The following SPIB variants were observed in gnomAD, a reference collection of about 807,000 sequenced individuals.
The protein encoded by SPIB is transcription factor Spi-B.
In SPIB, 7 loss-of-function variants were observed where a neutral mutation model predicts 31.9. The observed-to-expected ratio is 0.22, with a 90% confidence interval of 0.12 to 0.41. The LOEUF (loss-of-function observed/expected upper bound fraction) is 0.41. Ranked by LOEUF, SPIB falls within the 10% of genes least tolerant of loss-of-function variation. SPIB has a pLI of 1.00. For synonymous variants in SPIB, 176 were observed against 158.9 expected, an observed-to-expected ratio of 1.11 and a Z score of -0.81; for missense variants, 327 against 360.2, an observed-to-expected ratio of 0.91 and a Z score of 0.75.
intron 4 of SPIB, among the ~76,000 whole-genome samples, chr19:50,423,360 G>A (rs1050760967): frequency 5.9e-5 from 9 of 152,188 alleles, no homozygotes; most frequent in African/African-American, 2.2e-4. Flanking sequence ...GAACAAGTGA[G>A]TCAAGAGAGG....
intron 5 of SPIB, among the ~76,000 whole-genome samples, chr19:50,426,971 A>T (rs927636404): frequency 3.3e-5 from 5 of 150,572 alleles, no homozygotes; most frequent in Admixed American, 3.3e-4. Context: ...CTCTACAAAA[A>T]ATAAAACAAT....
At position 50,419,949 on chromosome 19, in the gene SPIB, C is replaced by G. The variant is rs755944464; in HGVS notation, c.27C>G (p.Leu9=). 1.3e-6 allele frequency: 2 copies of G among 1,525,314 alleles called. No homozygotes were observed. Among genetic ancestry groups the G allele is most frequent in the Non-Finnish European group, 1.7e-6 (2 of 1,144,780 alleles). The allele number at this position is 1,525,314 out of a possible 1,614,324, so 94.5% of individuals were successfully genotyped here. ...CCCTGTGTCTCTCCCCCTCCAGGCT[C>G]GACGGGCCACACTTCAGCTGTCTGG... is the stretch of plus-strand genomic sequence containing the variant. The part of the protein sequence containing the change: MLALEAAQ[L]DGPHFSCLYP... The change falls in exon 2 of 6, where the codon CTC becomes CTG. Residue 9 remains leucine, a synonymous_variant. Transcript: ENST00000595883.
At chr19:50,427,367 A>C (rs1217544764) in intron 5 of SPIB, among the ~76,000 whole-genome samples, 3 of 152,328 alleles carry the variant, frequency 2.0e-5, no homozygotes, top group East Asian at 3.9e-4. Flanking sequence ...TCTACTAAAA[A>C]TATAAAAATA....
chr19:50,422,442 G>A (rs1025696468), intron 2 of SPIB, 31 bp from the exon 3 acceptor site: 1 of 1,608,948 alleles, frequency 6.2e-7, no homozygotes, highest in South Asian at 1.1e-5. Context: ...GGCCTGGGAT[G>A]ACCCCTCTTC....
At position 50,423,003 on chromosome 19, in the gene SPIB, T is replaced by TGC; in HGVS notation, c.305_306insGC (p.Ala104LeufsTer77). 1 of 1,529,298 alleles carries TGC rather than the reference T, an allele frequency of 6.5e-7. No individual in the cohort carries two copies. Among genetic ancestry groups the TGC allele is most frequent in the Non-Finnish European group, 8.8e-7 (1 of 1,133,172 alleles). 94.7% of individuals were successfully genotyped at this position (1,529,298 alleles called of 1,614,324 possible). On this transcript the variant is annotated frameshift_variant, in exon 4 of 6. Transcript: ENST00000595883. LOFTEE classifies it high-confidence loss of function. ...AGCCTGGAGGCCCCGGGGCCTGGCC[T>TGC]CCCTGCATACCCCACGGAGAACTTC...
rs2039621696 is a variant in SPIB at position 50,430,084 on chromosome 19, T to C, written c.*1748T>C. 6.6e-6 allele frequency: 1 copy of C among 151,532 alleles called. No homozygotes were observed. The highest frequency in any genetic ancestry group is 2.1e-4 in the South Asian group (1 of 4,804). The allele number at this position is 151,532 out of a possible 1,614,324, so 9.4% of individuals were successfully genotyped here. A position where few individuals can be genotyped will look rare whatever the true frequency, so the allele number is the denominator to read the frequency against. ...AGATTTCTGCCTTCACTTAAAACTT[T>C]GGACGGTCTGGAGAGAGTCGGCCAG... On this transcript the variant is annotated 3_prime_UTR_variant, in exon 6 of 6. Coordinates refer to ENST00000595883, the MANE Select transcript of SPIB (RefSeq NM_003121.5).
intron 1 of SPIB, 99 bp downstream of exon 1, chr19:50,419,084 C>A (rs557521292): frequency 2.1e-6 from 3 of 1,437,666 alleles, no homozygotes; most frequent in African/African-American, 1.4e-5. Flanking sequence ...TCCTCACGGC[C>A]GGTGGGTGGG....
chr19:50,426,919 C>T (rs774399525), intron 5 of SPIB, among the ~76,000 whole-genome samples: 1 of 151,542 alleles, frequency 6.6e-6, no homozygotes, highest in Admixed American at 6.6e-5. Context: ...CACCTGAGGC[C>T]AGGAGTTCAA....
intron 2 of SPIB, 53 bp from the exon 3 acceptor site, chr19:50,422,420 G>C: frequency 6.4e-7 from 1 of 1,561,668 alleles, no homozygotes; most frequent in Non-Finnish European, 8.8e-7. Context: ...GGTGGGGGTT[G>C]GGAGTCCCCA....
rs1230153543 is a variant in SPIB at position 50,423,457 on chromosome 19, C to T, written c.340-148C>T. 7 of 1,050,258 alleles carry T rather than the reference C, an allele frequency of 6.7e-6. No individual in the cohort carries two copies. In the South Asian group the frequency reaches 1.2e-4, roughly 17 times the overall value. 65.1% of individuals were successfully genotyped at this position (1,050,258 alleles called of 1,614,324 possible). On this transcript the variant is annotated intron_variant, in intron 4 of 5. Transcript: ENST00000595883. The stretch of plus-strand genomic sequence containing the variant: ...AGGTACCTCAGGTGTCCCCTGGCCA[C>T]AGCGTGGTGATCTGAACAAAGGCCA...
intron 5 of SPIB, 103 bp from the exon 6 acceptor site, chr19:50,427,934 AT>A (rs2039588962): frequency 7.6e-7 from 1 of 1,309,158 alleles, no homozygotes; most frequent in Non-Finnish European, 1.0e-6. Flanking sequence ...CACTTTTCAG[AT>A]CCAGGAGATG....
At chr19:50,424,226 G>A (rs774160518) in intron 5 of SPIB, among the ~76,000 whole-genome samples, 1 of 152,140 alleles carries the variant, frequency 6.6e-6, no homozygotes, top group Non-Finnish European at 1.5e-5. Flanking sequence ...TCGGTTTCTC[G>A]TCTGTAAAGT....
At chr19:50,423,937 G>A (rs1473188508) in intron 5 of SPIB, among the ~76,000 whole-genome samples, 182 bp downstream of exon 5, 1 of 152,140 alleles carries the variant, frequency 6.6e-6, no homozygotes, top group Non-Finnish European at 1.5e-5. Flanking sequence ...CAGGTTTCCT[G>A]TCTGTGCGAT....
Position 50,423,608 on chromosome 19 carries a change from C to G in SPIB, c.343C>G (p.Leu115Val), listed in dbSNP as rs1370431817. ...YPTENFASQT[L>V]VPPAYAPYPS... ...AGGTGACCCTGACCTTCCGCAGACCCTGGTTCCCCCGGCATATGCCCCGTA... is the reference window on the plus strand; with the variant it reads ...AGGTGACCCTGACCTTCCGCAGACCGTGGTTCCCCCGGCATATGCCCCGTA... Residue 115 changes from leucine (L) to valine (V), a missense_variant, in exon 5 of 6, where the codon CTG becomes GTG. Leu to Val is a conservative substitution (Grantham distance 32). Around this residue, in one of 4 missense-constraint regions of SPIB, gnomAD observed 238 missense variants for 228.8 expected, o/e 1.04. Transcript: ENST00000595883. 1 of 1,613,608 alleles carries G rather than the reference C, an allele frequency of 6.2e-7. No homozygotes were observed. The highest frequency in any genetic ancestry group is 2.2e-5 in the East Asian group (1 of 44,874).
At chr19:50,426,001 G>T (rs1467785658) in intron 5 of SPIB, among the ~76,000 whole-genome samples, 2 of 152,080 alleles carry the variant, frequency 1.3e-5, no homozygotes, top group East Asian at 1.9e-4. Context: ...CTAACGTCAG[G>T]AGTTCAAGAC....
At chr19:50,422,099 C>G (rs904290752) in intron 2 of SPIB, among the ~76,000 whole-genome samples, 8 of 152,230 alleles carry the variant, frequency 5.3e-5, no homozygotes, top group African/African-American at 1.9e-4. Flanking sequence ...AAGTGAAACA[C>G]TTCCATTTCC....
At chr19:50,423,157 G>A in intron 4 of SPIB, 120 bp downstream of exon 4, 1 of 521,086 alleles carries the variant, frequency 1.9e-6, no homozygotes, top group South Asian at 3.3e-5. Context: ...AGAAGGTCGA[G>A]GCAATCCACT....
rs577328095 is a variant in SPIB, at chr19:50,421,118, G to A, written c.51+1145G>A. On this transcript the variant is annotated intron_variant, in intron 2 of 5. Transcript: ENST00000595883. ...GTTGATGACACCTGGGCTGTTTCCAGTTGGAGACTCATAATAAAGCTGCTG... is the reference window on the plus strand; with the variant it reads ...GTTGATGACACCTGGGCTGTTTCCAATTGGAGACTCATAATAAAGCTGCTG... 6.8e-4 allele frequency among the ~76,000 whole-genome samples: 103 copies of A among 152,234 alleles called. 1 individual carries two copies. Among genetic ancestry groups the A allele is most frequent in the South Asian group, 5.2e-3 (25 of 4,830 alleles).
chr19:50,428,186 C>A lies in SPIB; in HGVS notation c.639C>A (p.Gly213=). 6.3e-7 allele frequency: 1 copy of A among 1,590,940 alleles called. No homozygotes were observed. Among genetic ancestry groups the A allele is most frequent in the South Asian group, 1.1e-5 (1 of 87,598 alleles). ...KHKELLARRW[G]QQKGNRKRMT... is the part of the protein sequence containing the mutation. ...AGGAACTCCTGGCGCGCCGCTGGGG[C>A]CAGCAGAAGGGGAACCGCAAGCGCA... The change falls in exon 6 of 6, where the codon GGC becomes GGA. Residue 213 remains glycine, a synonymous_variant. Coordinates refer to ENST00000595883, the MANE Select transcript of SPIB (RefSeq NM_003121.5). The surrounding 1 kb of genome is among the most constrained non-coding windows in gnomAD (Gnocchi z 6.5).
Sources: gnomAD v4.1 joint callset for allele counts (sites outside exome capture counted in the v4.1 genomes callset) on GRCh38, gnomAD v4.1.1 for gene constraint, gnomAD v4.1.1 regional missense constraint, Gnocchi (gnomAD v3.1) non-coding constraint, MANE v1.5 for transcripts, NCBI Gene and HGNC (gene_info 2026-07-23, HGNC 2026-07-21) for gene names.